ZNF208: variants seen among roughly 807,000 people sequenced by gnomAD.
The protein encoded by ZNF208 is zinc finger protein 208, also known as zinc finger protein 95.
ZNF208 carries 10 observed loss-of-function variants against 12.1 expected under a neutral mutation model. That is an observed-to-expected ratio of 0.83 (90% CI 0.51 to 1.40). The LOEUF (loss-of-function observed/expected upper bound fraction) is 1.40, where lower values mean the gene tolerates loss of function less well. Among genes scored for constraint, ZNF208 ranks in the 40% most tolerant of loss-of-function variants. The pLI, the probability that ZNF208 is intolerant of heterozygous loss-of-function variation, is 0.00. For synonymous variants in ZNF208, 497 were observed against 488.4 expected (o/e 1.02, Z -0.23); for missense variants, 1,652 against 1,485.0 (o/e 1.11, Z -1.85).
intron 4 of ZNF208, among the ~76,000 whole-genome samples, chr19:21,944,745 A>C (rs891932962): frequency 2.0e-5 from 3 of 152,200 alleles, no homozygotes; most frequent in African/African-American, 7.2e-5. Flanking sequence ...TAATTTTCCC[A>C]CTGTTGACAA....
At position 21,974,706 on chromosome 19, in the gene ZNF208, T is replaced by G. The variant is rs745644340; in HGVS notation, c.328A>C (p.Asn110His). ...LRRYEKCGHE[N>H]LHLKIGYTNV... ...GTATAACCAATTTTTAAGTGTAAAT[T>G]CTCATGTCCACATTTTTCATACCTT... is the stretch of plus-strand genomic sequence containing the variant. Residue 110 changes from asparagine to histidine, a missense_variant, in exon 4 of 4, where the codon AAT (asparagine) becomes CAT (histidine). Around this residue, in one of 3 missense-constraint regions of ZNF208, gnomAD observed 410 missense variants for 378.2 expected, o/e 1.08. Coordinates refer to ENST00000397126, the MANE Select transcript of ZNF208 (RefSeq NM_007153.3). 6.2e-7 allele frequency: 1 copy of G among 1,613,632 alleles called. No homozygotes were observed. The highest frequency in any genetic ancestry group is 8.5e-7 in the Non-Finnish European group (1 of 1,179,756).
rs1970315291 is a variant in ZNF208, at chr19:21,972,437, C to T, written c.2597G>A (p.Cys866Tyr). ...TGEKPYKCEE[C>Y]GKAYKWPSTL... Reference sequence around the variant, plus strand: ...TGAGGGCCATTTATAGGCTTTGCCACATTCTTCACATTTGTAGGGTTTCTC... The same window carrying T: ...TGAGGGCCATTTATAGGCTTTGCCATATTCTTCACATTTGTAGGGTTTCTC... Residue 866 changes from cysteine (C) to tyrosine (Y), a missense_variant, in exon 4 of 4, where the codon TGT (cysteine) becomes TAT (tyrosine). Cys to Tyr is a radical substitution (Grantham distance 194). Coordinates refer to ENST00000397126, the MANE Select transcript of ZNF208 (RefSeq NM_007153.3). 1 of 1,612,992 alleles carries T rather than the reference C, an allele frequency of 6.2e-7. No homozygotes were observed.
chr19:21,988,981 G>A, intron 1 of ZNF208, 72 bp from the exon 2 acceptor site: 1 of 1,594,728 alleles, frequency 6.3e-7, no homozygotes, highest in East Asian at 2.2e-5. Flanking sequence ...AAGGTAAAAT[G>A]CAGAGAGTAA....
At chr19:21,953,562 A>G (rs1421641800) in intron 4 of ZNF208, among the ~76,000 whole-genome samples, 2 of 152,164 alleles carry the variant, frequency 1.3e-5, no homozygotes, top group Non-Finnish European at 2.9e-5. Context: ...GCCAAACTAA[A>G]CTTCATAACT....
In ZNF208 at chr19:21,977,908, G is replaced by C. The variant is rs6511304; in HGVS notation, c.227-3101C>G. On this transcript the variant is annotated intron_variant, in intron 3 of 3. Transcript: ENST00000397126. ...CGAGCTTGGTGGGGGAAGGGCGTCC[G>C]CCATTGCTGAGGCTTGAGTAGGCAG... Among the ~76,000 whole-genome samples, 1,170 of 152,252 alleles carry C rather than the reference G, an allele frequency of 7.7e-3. 9 individuals carry two copies. The highest frequency in any genetic ancestry group is 0.026 in the African/African-American group (1,097 of 41,538).
In ZNF208 at chr19:21,973,876, A is replaced by G. The variant is rs778444260; in HGVS notation, c.1158T>C (p.Tyr386=). 2.5e-6 allele frequency: 4 copies of G among 1,594,250 alleles called. No individual in the cohort carries two copies. Among genetic ancestry groups the G allele is most frequent in the Non-Finnish European group, 3.4e-6 (4 of 1,172,876 alleles). Residue 386 remains tyrosine, a synonymous_variant, in exon 4 of 4, where the codon TAT becomes TAC. Coordinates refer to ENST00000397126, the MANE Select transcript of ZNF208 (RefSeq NM_007153.3). The part of the protein sequence containing the change: ...KAYKWPSTLS[Y]HKKIHTGEKP... ...TCTCTCCAGTATGAATTTTCTTATGATAACTAAGGGTTGAGGGCCACTTAT... is the reference window on the plus strand; with the variant it reads ...TCTCTCCAGTATGAATTTTCTTATGGTAACTAAGGGTTGAGGGCCACTTAT...
In ZNF208 at chr19:21,970,821, A is replaced by T; in HGVS notation, c.*370T>A. 6.8e-7 allele frequency: 1 copy of T among 1,471,348 alleles called. No individual in the cohort carries two copies. The highest frequency in any genetic ancestry group is 9.5e-7 in the Non-Finnish European group (1 of 1,054,484). The allele number at this position is 1,471,348 out of a possible 1,614,324, so 91.1% of individuals were successfully genotyped here. ...TTTCTTATGTTTACTAAAGACTGAG[A>T]ACCAGCTGAAGGCTTTGCCACTTTC... On this transcript the variant is annotated 3_prime_UTR_variant, in exon 4 of 4. Coordinates refer to ENST00000397126, the MANE Select transcript of ZNF208 (RefSeq NM_007153.3).
chr19:22,001,794 G>C (rs957757787), intron 1 of ZNF208, among the ~76,000 whole-genome samples: 3 of 147,124 alleles, frequency 2.0e-5, no homozygotes, highest in Non-Finnish European at 4.5e-5. Flanking sequence ...TCAAGAGGCT[G>C]AGGCAGGAGA....
At chr19:21,979,046 T>C (rs1431644151) in intron 3 of ZNF208, among the ~76,000 whole-genome samples, 1 of 151,896 alleles carries the variant, frequency 6.6e-6, no homozygotes, top group Admixed American at 6.6e-5. Context: ...TAAAAAGAAA[T>C]GAACAAAGCC....
downstream of ZNF208, among the ~76,000 whole-genome samples, chr19:21,962,715 A>G (rs547956754): frequency 1.1e-3 from 160 of 152,234 alleles, no homozygotes; most frequent in South Asian, 0.013. Flanking sequence ...TCAGAAATAA[A>G]CAACACTCGG....
chr19:21,954,023 T>C (rs1969931894), intron 4 of ZNF208, among the ~76,000 whole-genome samples: 1 of 152,234 alleles, frequency 6.6e-6, no homozygotes, highest in Admixed American at 6.5e-5. Flanking sequence ...CCAGAGATTC[T>C]GGTATGTTGT....
At chr19:22,003,018 A>G (rs1970981079) in intron 1 of ZNF208, among the ~76,000 whole-genome samples, 2 of 152,166 alleles carry the variant, frequency 1.3e-5, no homozygotes, top group African/African-American at 4.8e-5. Context: ...TCAATGCAAC[A>G]GAATAGGGAG....
Position 21,967,400 on chromosome 19 carries a change from A to G in ZNF208, c.*3791T>C, listed in dbSNP as rs1372923030. On this transcript the variant is annotated 3_prime_UTR_variant, in exon 4 of 4. Coordinates refer to ENST00000397126, the MANE Select transcript of ZNF208 (RefSeq NM_007153.3). ...ACTCTCTCTTCCATTTCATTGGTCTAGATGTTTATTTTTGTACCAGAACCA... is the reference window on the plus strand; with the variant it reads ...ACTCTCTCTTCCATTTCATTGGTCTGGATGTTTATTTTTGTACCAGAACCA... The G allele has an allele frequency of 6.6e-6, 1 of 152,030 alleles. No individual in the cohort carries two copies. Among genetic ancestry groups the G allele is most frequent in the East Asian group, 1.9e-4 (1 of 5,184 alleles). The allele number at this position is 152,030 out of a possible 1,614,324, so 9.4% of individuals were successfully genotyped here. A position where few individuals can be genotyped will look rare whatever the true frequency, so the allele number is the denominator to read the frequency against.
intron 1 of ZNF208, among the ~76,000 whole-genome samples, chr19:22,009,952 G>A (rs1344949357): frequency 6.6e-6 from 1 of 152,132 alleles, no homozygotes; most frequent in East Asian, 1.9e-4. Context: ...TTGGGATGCC[G>A]AGGCGGGCGG....
chr19:21,940,700 T>G (rs1969723354), intron 4 of ZNF208: 1 of 152,176 alleles, frequency 6.6e-6, no homozygotes, highest in Non-Finnish European at 1.5e-5. Context: ...GCGTGAGGGG[T>G]GCGGCCGTGC....
rs1970286251 is a variant in ZNF208, at chr19:21,971,630, T to C, written c.3404A>G (p.His1135Arg). Residue 1135 changes from histidine to arginine, a missense_variant, in exon 4 of 4, where the codon CAT becomes CGT. This residue lies in a region of ZNF208 where 1,239 missense variants were observed against 1,086.2 expected (regional missense o/e 1.14). Coordinates refer to ENST00000397126, the MANE Select transcript of ZNF208 (RefSeq NM_007153.3). The stretch of plus-strand genomic sequence containing the variant: ...ACATTTGTAGGGTTTCTCTCCAGTA[T>C]GAATTACCTTATGTTTAGTAAGGAT... The part of the protein sequence containing the change: ...FSILTKHKVI[H>R]TGEKPYKCEE... 6.2e-7 allele frequency: 1 copy of C among 1,613,072 alleles called. No homozygotes were observed. The highest frequency in any genetic ancestry group is 8.5e-7 in the Non-Finnish European group (1 of 1,179,958).
chr19:21,964,027 T>C (rs904453913), downstream of ZNF208, among the ~76,000 whole-genome samples: 7 of 152,060 alleles, frequency 4.6e-5, no homozygotes, highest in East Asian at 3.9e-4. Flanking sequence ...GGTGAGTTCA[T>C]AGATATGTTA....
chr19:21,958,549 T>C lies in ZNF208; in HGVS notation c.305+16180A>G, dbSNP rs368305074. Among the ~76,000 whole-genome samples the C allele has an allele frequency of 3.9e-5, 6 of 152,296 alleles. No individual in the cohort carries two copies. The East Asian group carries it at 7.7e-4, about 20-fold the overall frequency. On this transcript the variant is annotated intron_variant, in intron 4 of 4. Coordinates refer to the ZNF208 transcript ENST00000599916. ...ACTATAGCTACCAGTTATCAGGGTG[T>C]GTCAGCAGCCTCAACCTTTTTAGGT...
At chr19:21,950,491 C>CTTTTT (rs59845229) in intron 4 of ZNF208, among the ~76,000 whole-genome samples, 1 of 137,792 alleles carries the variant, frequency 7.3e-6, no homozygotes, top group African/African-American at 2.7e-5. Context: ...TAGCCCTGTT[C>CTTTTT]TTTTTTTTTT....
Sources: gnomAD v4.1 joint callset for allele counts (sites outside exome capture counted in the v4.1 genomes callset) on GRCh38, gnomAD v4.1.1 for gene constraint, gnomAD v4.1.1 regional missense constraint, MANE v1.5 for transcripts, NCBI Gene and HGNC (gene_info 2026-07-23, HGNC 2026-07-21) for gene names.